The following MMP26 variants were observed in gnomAD, a reference collection of about 807,000 sequenced individuals.
The protein encoded by MMP26 is matrix metallopeptidase 26.
In MMP26, 33 loss-of-function variants were observed where a neutral mutation model predicts 31.0. The ratio of observed to expected loss-of-function variants is 1.06; its 90% confidence interval spans 0.81 to 1.42. The LOEUF (loss-of-function observed/expected upper bound fraction) is 1.42. Among genes scored for constraint, MMP26 ranks in the 40% most tolerant of loss-of-function variants. The pLI is 0.00. For missense variants in MMP26, 347 were observed against 316.1 expected, an observed-to-expected ratio of 1.10 and a Z score of -0.74; for synonymous variants, 122 against 114.9, an observed-to-expected ratio of 1.06 and a Z score of -0.40.
chr11:4,941,123 C>G (rs1456284475), intron 2 of MMP26, among the ~76,000 whole-genome samples: 3 of 152,162 alleles, frequency 2.0e-5, no homozygotes, highest in Admixed American at 1.3e-4. Flanking sequence ...TATTCTTTCA[C>G]TCTATCACTT....
intron 1 of MMP26, chr11:4,736,419 C>T (rs1281107751): frequency 1.3e-5 from 2 of 152,134 alleles, no homozygotes; most frequent in Non-Finnish European, 1.5e-5. Flanking sequence ...GGAAGCAATG[C>T]TTAGGACGGT....
chr11:4,867,670 T>G (rs1181052445), intron 2 of MMP26, among the ~76,000 whole-genome samples: 1 of 152,090 alleles, frequency 6.6e-6, no homozygotes, highest in Non-Finnish European at 1.5e-5. Flanking sequence ...ATTACAGATG[T>G]GAGCCACCAT....
At chr11:4,854,070 C>T (rs1201532820) in intron 2 of MMP26, among the ~76,000 whole-genome samples, 1 of 152,154 alleles carries the variant, frequency 6.6e-6, no homozygotes, top group Non-Finnish European at 1.5e-5. Context: ...CATGTACTCA[C>T]TCATGATAAA....
At chr11:4,720,505 T>C (rs905767496) in intron 1 of MMP26, among the ~76,000 whole-genome samples, 1 of 152,056 alleles carries the variant, frequency 6.6e-6, no homozygotes, top group Middle Eastern at 3.2e-3. Context: ...ACAGGAAGCA[T>C]TTAGTACAAA....
At chr11:4,876,323 T>C (rs1224625286) in intron 2 of MMP26, 2 of 152,132 alleles carry the variant, frequency 1.3e-5, no homozygotes, top group East Asian at 3.9e-4. Flanking sequence ...GTTTTTTGTT[T>C]GTTTCTCTTT....
chr11:4,724,662 G>A (rs1848071810), intron 1 of MMP26, among the ~76,000 whole-genome samples: 1 of 152,122 alleles, frequency 6.6e-6, no homozygotes, highest in Admixed American at 6.5e-5. Context: ...TCCCAGAAAG[G>A]GATATGAGGT....
chr11:4,722,811 C>A, intron 1 of MMP26: 1 of 953,234 alleles, frequency 1.0e-6, no homozygotes. Flanking sequence ...AACCACGGCC[C>A]TGGTGGAGCT....
intron 2 of MMP26, among the ~76,000 whole-genome samples, chr11:4,777,909 T>C (rs935736600): frequency 3.9e-5 from 6 of 152,134 alleles, no homozygotes; most frequent in Non-Finnish European, 8.8e-5. Flanking sequence ...TGAATATTAC[T>C]GTGCTTGGCA....
intron 2 of MMP26, among the ~76,000 whole-genome samples, chr11:4,815,656 T>C (rs2133466053): frequency 6.6e-6 from 1 of 152,190 alleles, no homozygotes; most frequent in Non-Finnish European, 1.5e-5. Context: ...AATCCTGGAA[T>C]ATATGCTTCA....
At chr11:4,848,693 G>A in intron 2 of MMP26, 3 of 1,614,082 alleles carry the variant, frequency 1.9e-6, no homozygotes. Context: ...AGGGCATGTA[G>A]GCCAGCAGGA....
At chr11:4,793,910 G>A (rs574047391) in intron 2 of MMP26, 2 of 152,286 alleles carry the variant, frequency 1.3e-5, no homozygotes, top group South Asian at 2.1e-4. Flanking sequence ...TGAGTGTATG[G>A]TAGCAAAAGC....
In MMP26 at chr11:4,988,526, AG is replaced by A. The variant is rs113712982; in HGVS notation, c.99+218del. Among the ~76,000 whole-genome samples, 1,052 of 152,268 alleles carry A rather than the reference AG, an allele frequency of 6.9e-3. 15 individuals carry two copies. The highest frequency in any genetic ancestry group is 0.024 in the African/African-American group (1,002 of 41,546). Reference sequence around the variant, plus strand: ...GCCCCTAAAAGTGTTTTTGGGCCCTAGGCACTGTGCCTTCTGTGCCTAATTC... The same window carrying A: ...GCCCCTAAAAGTGTTTTTGGGCCCTAGCACTGTGCCTTCTGTGCCTAATTC... On this transcript the variant is annotated intron_variant, in intron 3 of 7. Transcript: ENST00000380390.
intron 2 of MMP26, among the ~76,000 whole-genome samples, chr11:4,987,284 G>A (rs1846915830): frequency 6.6e-6 from 1 of 151,982 alleles, no homozygotes; most frequent in Non-Finnish European, 1.5e-5. Flanking sequence ...ATAGACGTGT[G>A]CGTGTCAACT....
rs570879304 is a variant in MMP26, at chr11:4,857,414, A to T, written c.-145+90073A>T. Reference sequence around the variant, plus strand: ...GGATATCACCACCAATCTCACAGAGATACAAACTACCATCAGAGAATACTA... The same window carrying T: ...GGATATCACCACCAATCTCACAGAGTTACAAACTACCATCAGAGAATACTA... On this transcript the variant is annotated intron_variant, in intron 2 of 7. Transcript: ENST00000380390. Among the ~76,000 whole-genome samples the T allele has an allele frequency of 1.7e-4, 26 of 152,240 alleles. No homozygotes were observed. The East Asian group carries it at 4.4e-3, about 26-fold the overall frequency.
At chr11:4,769,539 C>T (rs748434208) in intron 2 of MMP26, 1 of 1,613,498 alleles carries the variant, frequency 6.2e-7, no homozygotes, top group Non-Finnish European at 8.5e-7. Context: ...TCACAGATGG[C>T]CACATAACGG....
At chr11:4,762,414 TAG>T (rs929145621) in intron 1 of MMP26, among the ~76,000 whole-genome samples, 1 of 152,122 alleles carries the variant, frequency 6.6e-6, no homozygotes, top group Non-Finnish European at 1.5e-5. Context: ...TATTTTGATG[TAG>T]AGTTAGGGCC....
chr11:4,830,189 G>T (rs1044338200), intron 2 of MMP26: 1 of 152,204 alleles, frequency 6.6e-6, no homozygotes, highest in Non-Finnish European at 1.5e-5. Context: ...GAAGCTGGAG[G>T]ATCTGAAGGC....
intron 2 of MMP26, chr11:4,833,192 A>G (rs1011721096): frequency 3.2e-4 from 48 of 152,344 alleles, no homozygotes; most frequent in Admixed American, 1.6e-3. Flanking sequence ...GCATTAATTA[A>G]TTAATTGTTC....
At chr11:4,852,140 T>C (rs1163132376) in intron 2 of MMP26, among the ~76,000 whole-genome samples, 1 of 152,096 alleles carries the variant, frequency 6.6e-6, no homozygotes, top group East Asian at 1.9e-4. Context: ...GGAGTGGCTA[T>C]ACTAATATCA....
Sources: allele counts gnomAD v4.1 joint callset (sites outside exome capture counted in the v4.1 genomes callset), GRCh38; gene constraint gnomAD v4.1.1; transcripts MANE v1.5; gene names NCBI Gene and HGNC (gene_info 2026-07-23, HGNC 2026-07-21).